Variants in PYY observed in about 807,000 individuals in gnomAD.
PYY encodes the protein peptide tyrosine tyrosine.
PYY carries 12 observed loss-of-function variants against 10.3 expected under a neutral mutation model. The observed-to-expected ratio is 1.17, with a 90% confidence interval of 0.75 to 1.89. PYY has a LOEUF of 1.89. Ranked by LOEUF, PYY falls within the 40% of genes most tolerant of loss-of-function variation. The pLI is 0.00. For synonymous variants in PYY, 66 were observed against 62.0 expected (o/e 1.06, Z -0.30); for missense variants, 141 against 134.0 (o/e 1.05, Z -0.26).
intron 1 of PYY, among the ~76,000 whole-genome samples, chr17:43,995,380 C>T (rs923020802): frequency 6.6e-6 from 1 of 152,150 alleles, no homozygotes; most frequent in Non-Finnish European, 1.5e-5. Context: ...CGCTCTGTCA[C>T]CCACGCTGGA....
upstream of PYY, among the ~76,000 whole-genome samples, chr17:43,957,196 CAAAAAA>C (rs60997602): frequency 3.0e-5 from 2 of 66,634 alleles, no homozygotes; most frequent in Non-Finnish European, 3.4e-5. Context: ...AAACTGTCTC[CAAAAAA>C]AAAAAAAAAA....
chr17:43,989,183 G>A (rs1055245192), intron 1 of PYY, among the ~76,000 whole-genome samples: 10 of 151,936 alleles, frequency 6.6e-5, no homozygotes, highest in Non-Finnish European at 1.5e-4. Flanking sequence ...GACCATCCTG[G>A]CTAACACGGT....
At chr17:43,954,523 C>T (rs1213875863), upstream of PYY, among the ~76,000 whole-genome samples, 1 of 152,132 alleles carries the variant, frequency 6.6e-6, no homozygotes, top group African/African-American at 2.4e-5. Context: ...GGAGAGGCCT[C>T]TCTGAACACT....
At chr17:43,959,695 A>G (rs2048698633) in intron 2 of PYY, among the ~76,000 whole-genome samples, 1 of 152,278 alleles carries the variant, frequency 6.6e-6, no homozygotes, top group African/African-American at 2.4e-5. Flanking sequence ...AAAGAAAAAA[A>G]ATAAAAATAA....
intron 1 of PYY, 56 bp downstream of exon 1, chr17:43,953,794 C>T (rs1681841147): frequency 3.9e-6 from 1 of 253,888 alleles, no homozygotes; most frequent in African/African-American, 2.2e-5. Flanking sequence ...ATCCCAGCCT[C>T]AGTTTCCCCA....
intron 2 of PYY, among the ~76,000 whole-genome samples, chr17:43,962,564 A>T (rs1257454728): frequency 6.6e-6 from 1 of 152,202 alleles, no homozygotes; most frequent in Non-Finnish European, 1.5e-5. Flanking sequence ...TGAATGAAGG[A>T]ATCTTTTAGT....
At chr17:43,999,781 A>T (rs1390242183) in intron 1 of PYY, among the ~76,000 whole-genome samples, 1 of 151,832 alleles carries the variant, frequency 6.6e-6, no homozygotes, top group Non-Finnish European at 1.5e-5. Context: ...AAAAAAAAAA[A>T]AGAAAAGAAG....
intron 1 of PYY, among the ~76,000 whole-genome samples, chr17:43,980,860 C>A (rs1351687964): frequency 3.3e-5 from 5 of 152,052 alleles, no homozygotes; most frequent in Non-Finnish European, 7.4e-5. Context: ...ACAGTTTGTT[C>A]ATTCTTATCT....
intron 1 of PYY, among the ~76,000 whole-genome samples, chr17:43,992,418 T>TA (rs1006361667): frequency 5.3e-5 from 8 of 151,700 alleles, no homozygotes; most frequent in Non-Finnish European, 1.0e-4. Flanking sequence ...CCGTCTCTAC[T>TA]AAAAATACAA....
At chr17:43,972,484 G>A (rs982720391) in intron 1 of PYY, among the ~76,000 whole-genome samples, 4 of 151,958 alleles carry the variant, frequency 2.6e-5, no homozygotes, top group Non-Finnish European at 4.4e-5. Context: ...CCAAAGCACT[G>A]GGATTACAGG....
At chr17:43,994,600 C>T (rs1308604323) in intron 1 of PYY, among the ~76,000 whole-genome samples, 2 of 152,152 alleles carry the variant, frequency 1.3e-5, no homozygotes, top group Non-Finnish European at 1.5e-5. Context: ...ATCCAGGGTG[C>T]GGCAAGGGCG....
intron 1 of PYY, among the ~76,000 whole-genome samples, chr17:43,978,379 G>C (rs765354324): frequency 6.6e-6 from 1 of 151,756 alleles, no homozygotes; most frequent in Non-Finnish European, 1.5e-5. Flanking sequence ...ATTTTGGCTG[G>C]GTATGATAGC....
At chr17:43,967,339 A>C (rs1308764263) in intron 1 of PYY, among the ~76,000 whole-genome samples, 1 of 151,964 alleles carries the variant, frequency 6.6e-6, no homozygotes, top group Admixed American at 6.6e-5. Flanking sequence ...TTCCCTAAAC[A>C]CTATGCACTC....
At chr17:43,998,363 G>C (rs2049004588) in intron 1 of PYY, among the ~76,000 whole-genome samples, 2 of 151,878 alleles carry the variant, frequency 1.3e-5, no homozygotes, top group African/African-American at 2.4e-5. Flanking sequence ...TTCGAGACCA[G>C]CCTGGGCAAT....
chr17:43,963,329 G>A (rs1000185885), intron 2 of PYY, among the ~76,000 whole-genome samples: 1 of 151,768 alleles, frequency 6.6e-6, no homozygotes, highest in African/African-American at 2.4e-5. Flanking sequence ...CCAACATGGT[G>A]AAACCTCGTC....
chr17:43,988,737 CT>C (rs892349501), intron 1 of PYY, among the ~76,000 whole-genome samples: 98 of 145,970 alleles, frequency 6.7e-4, no homozygotes, highest in African/African-American at 2.1e-3. Flanking sequence ...GGTTCTCTAG[CT>C]TTTTTTTTTC....
At chr17:43,989,584 A>G (rs57455288) in intron 1 of PYY, among the ~76,000 whole-genome samples, 5,640 of 151,704 alleles carry the variant, frequency 0.037, 324 homozygotes, top group African/African-American at 0.12. Context: ...GCATTTCTCA[A>G]TAACTGTTTT....
chr17:43,959,677 G>A (rs754109236), intron 2 of PYY, among the ~76,000 whole-genome samples: 11 of 152,140 alleles, frequency 7.2e-5, no homozygotes, highest in Admixed American at 2.0e-4. Context: ...GCGAGACTAC[G>A]TCTCAAAAAA....
At chr17:43,959,136 T>G (rs993111214) in intron 2 of PYY, among the ~76,000 whole-genome samples, 4 of 152,156 alleles carry the variant, frequency 2.6e-5, no homozygotes, top group African/African-American at 4.8e-5. Context: ...GTAATTTGAG[T>G]CAAGACACCC....
Sources: gnomAD v4.1 joint callset for allele counts (sites outside exome capture counted in the v4.1 genomes callset) on GRCh38, gnomAD v4.1.1 for gene constraint, MANE v1.5 for transcripts, NCBI Gene and HGNC (gene_info 2026-07-23, HGNC 2026-07-21) for gene names.